The following NT5M variants were observed in gnomAD, a reference collection of about 807,000 sequenced individuals.
NT5M encodes 5',3'-nucleotidase, mitochondrial.
In NT5M, 22 loss-of-function variants were observed where a neutral mutation model predicts 22.2. That is an observed-to-expected ratio of 0.99 (90% CI 0.71 to 1.41). The LOEUF is 1.41. Ranked by LOEUF, NT5M falls within the 40% of genes most tolerant of loss-of-function variation. The probability of loss-of-function intolerance (pLI) is 0.00; values close to 1 mark genes in which losing one functional copy is unlikely to be tolerated. For synonymous variants in NT5M, 167 were observed against 133.0 expected (o/e 1.26, Z -1.76); for missense variants, 322 against 314.8 (o/e 1.02, Z -0.17).
At chr17:17,330,277 G>A (rs1468683562) in intron 3 of NT5M, among the ~76,000 whole-genome samples, 8 of 145,020 alleles carry the variant, frequency 5.5e-5, no homozygotes, top group African/African-American at 2.1e-4. Context: ...TCCAGCCTGA[G>A]TGACAGTCAG....
intron 4 of NT5M, among the ~76,000 whole-genome samples, chr17:17,345,656 A>C (rs1478941004): frequency 2.6e-5 from 4 of 151,138 alleles, no homozygotes; most frequent in Non-Finnish European, 5.9e-5. Flanking sequence ...AAAAAACACA[A>C]AAAAATTAGC....
Position 17,347,260 on chromosome 17 carries a change from C to G in NT5M, c.*313C>G. On this transcript the variant is annotated 3_prime_UTR_variant, in exon 5 of 5. Coordinates refer to ENST00000389022, the MANE Select transcript of NT5M (RefSeq NM_020201.4). Reference sequence around the variant, plus strand: ...GGAGTTGAGGCCACTGTTCAGGGGGCTGGTGGCCGTCTCCACTCCCTAGGC... The same window carrying G: ...GGAGTTGAGGCCACTGTTCAGGGGGGTGGTGGCCGTCTCCACTCCCTAGGC... 1 of 334,868 alleles carries G rather than the reference C, an allele frequency of 3.0e-6. No individual in the cohort carries two copies. 20.7% of individuals were successfully genotyped at this position (334,868 alleles called of 1,614,324 possible).
At chr17:17,320,057 G>C (rs546164022) in intron 2 of NT5M, among the ~76,000 whole-genome samples, 1 of 152,186 alleles carries the variant, frequency 6.6e-6, no homozygotes, top group African/African-American at 2.4e-5. Context: ...GACCAGGCTG[G>C]TCTTGAACTC....
chr17:17,330,742 C>CTTTCT (rs1338116803), intron 3 of NT5M, among the ~76,000 whole-genome samples: 33 of 118,724 alleles, frequency 2.8e-4, no homozygotes, highest in Middle Eastern at 5.4e-3. Flanking sequence ...TTCTTTCTTT[C>CTTTCT]TTTTTTTTTT....
At chr17:17,307,179 G>A (rs1001786045) in intron 2 of NT5M, among the ~76,000 whole-genome samples, 3 of 152,150 alleles carry the variant, frequency 2.0e-5, no homozygotes. Flanking sequence ...GCCTGGGCAA[G>A]AAGAGCGAAA....
chr17:17,319,772 G>C (rs1487338526), intron 2 of NT5M, among the ~76,000 whole-genome samples: 1 of 152,164 alleles, frequency 6.6e-6, no homozygotes, highest in Non-Finnish European at 1.5e-5. Context: ...CTTTGAGGGT[G>C]GCAGGCGTGT....
chr17:17,305,103 G>A (rs2048766180), intron 1 of NT5M, among the ~76,000 whole-genome samples: 1 of 152,110 alleles, frequency 6.6e-6, no homozygotes, highest in Admixed American at 6.6e-5. Context: ...CGCTCGGCAT[G>A]GGGAGTCTGG....
At chr17:17,323,638 G>A (rs1411222637) in intron 3 of NT5M, among the ~76,000 whole-genome samples, 1 of 152,222 alleles carries the variant, frequency 6.6e-6, no homozygotes, top group Admixed American at 6.5e-5. Flanking sequence ...GCATGAAATT[G>A]AGACCTTTCT....
intron 3 of NT5M, among the ~76,000 whole-genome samples, chr17:17,337,067 G>A (rs1170864477): frequency 6.6e-6 from 1 of 152,070 alleles, no homozygotes; most frequent in Admixed American, 6.6e-5. Flanking sequence ...CCTACCAATA[G>A]TGTACAAGGG....
rs187329336 is a variant in NT5M, at chr17:17,327,280, A to G, written c.429+4035A>G. On this transcript the variant is annotated intron_variant, in intron 3 of 4. Coordinates refer to ENST00000389022, the MANE Select transcript of NT5M (RefSeq NM_020201.4). ...AACAAAGCTTTCATCCAACATAGTT[A>G]TCCTTTTCTGCTTATTAATATATTT... Among the ~76,000 whole-genome samples, 6 of 102,824 alleles carry G rather than the reference A, an allele frequency of 5.8e-5. 1 individual carries two copies. The highest frequency in any genetic ancestry group is 2.0e-4 in the African/African-American group (6 of 29,732). 67.5% of individuals were successfully genotyped at this position (102,824 alleles called of 152,430 possible).
At chr17:17,334,754 G>A (rs533156947) in intron 3 of NT5M, among the ~76,000 whole-genome samples, 3 of 152,276 alleles carry the variant, frequency 2.0e-5, no homozygotes, top group Admixed American at 6.5e-5. Flanking sequence ...GATTACAGGC[G>A]TGAGCCACTG....
intron 3 of NT5M, chr17:17,333,602 A>T (rs766437978): frequency 2.0e-5 from 3 of 151,864 alleles, no homozygotes; most frequent in Non-Finnish European, 4.4e-5. Context: ...AGTTTTCTCA[A>T]CAGAGTCTTT....
intron 2 of NT5M, among the ~76,000 whole-genome samples, chr17:17,316,369 T>TTTA (rs1567884956): frequency 3.4e-5 from 5 of 146,904 alleles, no homozygotes; most frequent in East Asian, 2.1e-4. Context: ...TAACTTAGGT[T>TTTA]TTTATTTATT....
At chr17:17,326,918 G>A (rs944924685) in intron 3 of NT5M, among the ~76,000 whole-genome samples, 2 of 152,092 alleles carry the variant, frequency 1.3e-5, no homozygotes, top group African/African-American at 4.8e-5. Flanking sequence ...GTTTTTTTGT[G>A]GGGGAGTAGG....
chr17:17,315,255 G>A (rs1341848710), intron 2 of NT5M, among the ~76,000 whole-genome samples: 4 of 152,132 alleles, frequency 2.6e-5, no homozygotes, highest in Non-Finnish European at 5.9e-5. Context: ...TTATTCATGG[G>A]TTCATTAAAC....
chr17:17,311,613 C>G (rs1669995605), intron 2 of NT5M, among the ~76,000 whole-genome samples: 1 of 152,080 alleles, frequency 6.6e-6, no homozygotes, highest in African/African-American at 2.4e-5. Flanking sequence ...ATTTAGCAAC[C>G]TGAATGACAA....
chr17:17,312,450 T>C (rs1205683910), intron 2 of NT5M, among the ~76,000 whole-genome samples: 1 of 151,956 alleles, frequency 6.6e-6, no homozygotes, highest in Non-Finnish European at 1.5e-5. Flanking sequence ...GAGGCCAGCC[T>C]GAACAACATG....
chr17:17,347,268 C>T lies in NT5M; in HGVS notation c.*321C>T, dbSNP rs1225226114. 6.5e-6 allele frequency: 2 copies of T among 307,712 alleles called. No homozygotes were observed. Among genetic ancestry groups the T allele is most frequent in the South Asian group, 5.9e-5 (1 of 16,996 alleles). The allele number at this position is 307,712 out of a possible 1,614,324, so 19.1% of individuals were successfully genotyped here. On this transcript the variant is annotated 3_prime_UTR_variant, in exon 5 of 5. Transcript: ENST00000389022. ...GGCCACTGTTCAGGGGGCTGGTGGC[C>T]GTCTCCACTCCCTAGGCAAGTTCTC... is the stretch of plus-strand genomic sequence containing the variant.
intron 2 of NT5M, among the ~76,000 whole-genome samples, chr17:17,311,269 C>T (rs573251877): frequency 1.3e-5 from 2 of 150,176 alleles, no homozygotes; most frequent in South Asian, 4.2e-4. Context: ...ACCTGGGAGG[C>T]GGAGCTTGCA....
Sources: gnomAD v4.1 joint callset for allele counts (sites outside exome capture counted in the v4.1 genomes callset) on GRCh38, gnomAD v4.1.1 for gene constraint, MANE v1.5 for transcripts, NCBI Gene and HGNC (gene_info 2026-07-23, HGNC 2026-07-21) for gene names.